ELMO1: variants seen among roughly 807,000 people sequenced by gnomAD.
The protein encoded by ELMO1 is engulfment and cell motility protein 1.
ELMO1 carries 26 observed loss-of-function variants against 98.9 expected under a neutral mutation model. The ratio of observed to expected loss-of-function variants is 0.26; its 90% confidence interval spans 0.19 to 0.36. ELMO1 has a LOEUF of 0.36. Ranked by LOEUF, ELMO1 falls within the 10% of genes least tolerant of loss-of-function variation. ELMO1 has a pLI of 1.00. For synonymous variants in ELMO1, 346 were observed against 346.0 expected, an observed-to-expected ratio of 1.00 and a Z score of 0.00; for missense variants, 627 against 935.2, an observed-to-expected ratio of 0.67 and a Z score of 4.30.
intron 14 of ELMO1, among the ~76,000 whole-genome samples, chr7:37,119,189 C>T (rs1015908): frequency 0.24 from 36,663 of 151,988 alleles, 5,579 homozygotes; most frequent in African/African-American, 0.44. Flanking sequence ...AGCTCCCTGA[C>T]TGGAAAGGCT....
At chr7:37,386,573 G>T (rs917603628) in intron 1 of ELMO1, among the ~76,000 whole-genome samples, 2 of 145,644 alleles carry the variant, frequency 1.4e-5, no homozygotes, top group Admixed American at 1.4e-4. Flanking sequence ...GGTAAGTAGA[G>T]ATCCAGGGTC....
At chr7:37,303,669 C>CT (rs1798461592) in intron 4 of ELMO1, among the ~76,000 whole-genome samples, 1 of 152,166 alleles carries the variant, frequency 6.6e-6, no homozygotes, top group Non-Finnish European at 1.5e-5. Flanking sequence ...AAAGAAGTGC[C>CT]TGTTTGGAGG....
At chr7:36,876,725 G>A (rs1333090299) in intron 19 of ELMO1, among the ~76,000 whole-genome samples, 1 of 152,164 alleles carries the variant, frequency 6.6e-6, no homozygotes, top group Non-Finnish European at 1.5e-5. Context: ...GGCTGGAACT[G>A]TGAAAGGAGG....
At chr7:37,029,148 G>C (rs938563424) in intron 15 of ELMO1, among the ~76,000 whole-genome samples, 1 of 152,140 alleles carries the variant, frequency 6.6e-6, no homozygotes, top group Non-Finnish European at 1.5e-5. Context: ...ATCTTAACCA[G>C]ATCTGTGCAC....
intron 16 of ELMO1, among the ~76,000 whole-genome samples, chr7:36,934,667 GT>G (rs1047790027): frequency 6.6e-6 from 1 of 152,174 alleles, no homozygotes; most frequent in East Asian, 1.9e-4. Flanking sequence ...GGGCAAAATA[GT>G]TTTTTTCTCC....
chr7:36,891,167 C>T (rs1303094006), intron 17 of ELMO1, among the ~76,000 whole-genome samples: 1 of 152,234 alleles, frequency 6.6e-6, no homozygotes, highest in Non-Finnish European at 1.5e-5. Flanking sequence ...AACTTGCTGT[C>T]ATCTTATTCA....
chr7:37,405,565 T>C (rs1316787871), intron 1 of ELMO1, among the ~76,000 whole-genome samples: 1 of 152,224 alleles, frequency 6.6e-6, no homozygotes, highest in South Asian at 2.1e-4. Context: ...TCATTTCACA[T>C]TTTAGGCAAT....
At chr7:36,925,452 T>C (rs899122024) in intron 16 of ELMO1, among the ~76,000 whole-genome samples, 3 of 152,122 alleles carry the variant, frequency 2.0e-5, no homozygotes, top group Admixed American at 1.3e-4. Flanking sequence ...CCTTAATTTA[T>C]GAAAGGATGC....
chr7:37,315,864 TTTGC>T, intron 3 of ELMO1, 52 bp downstream of exon 3: 1 of 1,432,586 alleles, frequency 7.0e-7, no homozygotes, highest in Admixed American at 2.0e-5. Flanking sequence ...AAATATATTA[TTTGC>T]TTGTCAATTT....
At chr7:37,050,641 C>CAA (rs1554400952) in intron 15 of ELMO1, among the ~76,000 whole-genome samples, 2 of 151,296 alleles carry the variant, frequency 1.3e-5, no homozygotes, top group Non-Finnish European at 2.9e-5. Flanking sequence ...CACACACACA[C>CAA]ACACACACAC....
chr7:37,391,027 C>A (rs2131419157), intron 1 of ELMO1, among the ~76,000 whole-genome samples: 1 of 147,688 alleles, frequency 6.8e-6, no homozygotes, highest in South Asian at 2.1e-4. Context: ...TTCCTTCCTT[C>A]CTTCCTTCCT....
intron 3 of ELMO1, among the ~76,000 whole-genome samples, chr7:37,315,417 T>TA (rs1047668895): frequency 1.6e-4 from 24 of 151,370 alleles, no homozygotes; most frequent in African/African-American, 3.9e-4. Flanking sequence ...AGTTCTGGTT[T>TA]AAAAAAAAAC....
intron 14 of ELMO1, chr7:37,116,711 C>T (rs1785619785): frequency 1.3e-5 from 2 of 151,188 alleles, no homozygotes; most frequent in South Asian, 4.2e-4. Flanking sequence ...CCACCACCAC[C>T]AACAAAAAAC....
intron 16 of ELMO1, among the ~76,000 whole-genome samples, chr7:36,943,598 G>A (rs1055351915): frequency 3.3e-5 from 5 of 152,200 alleles, no homozygotes; most frequent in African/African-American, 4.8e-5. Flanking sequence ...CAACTGCTAC[G>A]TAAGAAAGTT....
chr7:36,971,705 C>A (rs1398211976), intron 16 of ELMO1, among the ~76,000 whole-genome samples: 4 of 152,134 alleles, frequency 2.6e-5, no homozygotes, highest in Non-Finnish European at 5.9e-5. Context: ...GGTATTTGTC[C>A]AGAGGCTAAT....
At chr7:36,856,369 T>C (rs1296700741) in intron 21 of ELMO1, among the ~76,000 whole-genome samples, 4 of 152,184 alleles carry the variant, frequency 2.6e-5, no homozygotes, top group Non-Finnish European at 5.9e-5. Context: ...CCAAAATGGT[T>C]AAAATTATTG....
intron 18 of ELMO1, among the ~76,000 whole-genome samples, chr7:36,883,031 C>G (rs1480937915): frequency 6.6e-6 from 1 of 152,174 alleles, no homozygotes; most frequent in Non-Finnish European, 1.5e-5. Flanking sequence ...ACCTGCTCCC[C>G]ACAACAGGGC....
At chr7:37,127,133 C>T (rs1167999893) in intron 14 of ELMO1, among the ~76,000 whole-genome samples, 1 of 152,182 alleles carries the variant, frequency 6.6e-6, no homozygotes, top group African/African-American at 2.4e-5. Flanking sequence ...CTTCTCCTAT[C>T]ACTACTCTGA....
intron 16 of ELMO1, among the ~76,000 whole-genome samples, chr7:36,906,108 C>T (rs929509811): frequency 3.9e-5 from 6 of 152,222 alleles, no homozygotes; most frequent in Non-Finnish European, 5.9e-5. Context: ...ACCAGCTCTG[C>T]CATCAGGCAA....
Sources: gnomAD v4.1 joint callset for allele counts (sites outside exome capture counted in the v4.1 genomes callset) on GRCh38, gnomAD v4.1.1 for gene constraint, MANE v1.5 for transcripts, NCBI Gene and HGNC (gene_info 2026-07-23, HGNC 2026-07-21) for gene names.